Variants in SLC30A7 observed in about 807,000 individuals in gnomAD.
SLC30A7 encodes zinc transporter 7.
Under a neutral mutation model 46.0 loss-of-function variants are expected in SLC30A7, and 35 were observed. That is an observed-to-expected ratio of 0.76 (90% CI 0.58 to 1.01). SLC30A7 has a LOEUF of 1.01. SLC30A7 is among the 50% of genes least tolerant of loss of function. The pLI, the probability that SLC30A7 is intolerant of heterozygous loss-of-function variation, is 0.00. For missense variants in SLC30A7, 464 were observed against 451.1 expected, an observed-to-expected ratio of 1.03 and a Z score of -0.26; for synonymous variants, 147 against 157.8, an observed-to-expected ratio of 0.93 and a Z score of 0.51.
chr1:100,921,501 C>T, intron 7 of SLC30A7, among the ~76,000 whole-genome samples: 1 of 152,070 alleles, frequency 6.6e-6, no homozygotes, highest in East Asian at 1.9e-4. Context: ...ATATTTCAAC[C>T]CCTGTTGATT....
chr1:100,941,727 G>C, intron 8 of SLC30A7: 1 of 639,950 alleles, frequency 1.6e-6, no homozygotes, highest in South Asian at 1.4e-5. Context: ...CATCCACCTT[G>C]TGTAGCTTTG....
chr1:100,958,876 T>C (rs990051020), intron 8 of SLC30A7, among the ~76,000 whole-genome samples: 1 of 152,124 alleles, frequency 6.6e-6, no homozygotes, highest in African/African-American at 2.4e-5. Context: ...AGTAATAGTA[T>C]AGGTAGCACA....
At chr1:100,963,282 G>C (rs982473404) in intron 9 of SLC30A7, among the ~76,000 whole-genome samples, 8 of 152,190 alleles carry the variant, frequency 5.3e-5, no homozygotes, top group Non-Finnish European at 1.0e-4. Flanking sequence ...GCCAGGAAAG[G>C]TAGTGGTTAG....
the SLC30A7 span, among the ~76,000 whole-genome samples, chr1:100,989,294 C>T: frequency 2.0e-5 from 3 of 152,162 alleles, no homozygotes; most frequent in Non-Finnish European, 4.4e-5. Context: ...GCAAGTTTTC[C>T]ATTTGTCTGC....
intron 2 of SLC30A7, among the ~76,000 whole-genome samples, chr1:100,906,008 A>G (rs1482031432): frequency 6.6e-6 from 1 of 152,164 alleles, no homozygotes; most frequent in Non-Finnish European, 1.5e-5. Flanking sequence ...AGAAATGGGC[A>G]CACCTATTTT....
chr1:100,985,480 A>G (rs974173528), downstream of SLC30A7, among the ~76,000 whole-genome samples: 1 of 152,250 alleles, frequency 6.6e-6, no homozygotes, highest in Non-Finnish European at 1.5e-5. Flanking sequence ...CTTTGAAAAA[A>G]GAATGTTAAA....
intron 8 of SLC30A7, among the ~76,000 whole-genome samples, chr1:100,949,987 A>G (rs569543862): frequency 6.6e-6 from 1 of 152,092 alleles, no homozygotes; most frequent in Non-Finnish European, 1.5e-5. Context: ...GTGATGCCCC[A>G]CCCTGCTTCA....
chr1:100,909,174 A>G (rs1357741109), intron 3 of SLC30A7, among the ~76,000 whole-genome samples: 3 of 152,102 alleles, frequency 2.0e-5, no homozygotes, highest in Admixed American at 6.6e-5. Flanking sequence ...TACTGGTGTC[A>G]GTGAATCAAA....
At chr1:100,945,958 C>A (rs943025399) in intron 8 of SLC30A7, among the ~76,000 whole-genome samples, 6 of 152,260 alleles carry the variant, frequency 3.9e-5, no homozygotes, top group Admixed American at 3.9e-4. Flanking sequence ...CCTCTTATTT[C>A]ATTGAGCAGT....
intron 10 of SLC30A7, among the ~76,000 whole-genome samples, chr1:100,970,138 C>T (rs1318498942): frequency 6.6e-6 from 1 of 151,992 alleles, no homozygotes; most frequent in Admixed American, 6.6e-5. Flanking sequence ...ATACTGGTGG[C>T]CTTAGTTCCA....
chr1:100,931,773 A>G (rs1303705347), intron 8 of SLC30A7, among the ~76,000 whole-genome samples: 2 of 152,186 alleles, frequency 1.3e-5, no homozygotes, highest in Non-Finnish European at 2.9e-5. Context: ...GTGTTCTGAG[A>G]TACCATCTTC....
At position 100,979,638 on chromosome 1, in the gene SLC30A7, C is replaced by T. The variant is rs918895440; in HGVS notation, c.*4781C>T. ...GGCCTTCATGTTATTACATTTAATC[C>T]TCAAATTTCTACAAAGGAATAATTT... On this transcript the variant is annotated 3_prime_UTR_variant, in exon 11 of 11. Coordinates refer to ENST00000357650, the MANE Select transcript of SLC30A7 (RefSeq NM_133496.5). The T allele has an allele frequency of 6.6e-6, 1 of 151,980 alleles. No individual in the cohort carries two copies. Among genetic ancestry groups the T allele is most frequent in the Admixed American group, 6.6e-5 (1 of 15,248 alleles). 9.4% of individuals were successfully genotyped at this position (151,980 alleles called of 1,614,324 possible). A position where few individuals can be genotyped will look rare whatever the true frequency, so the allele number is the denominator to read the frequency against.
intron 8 of SLC30A7, among the ~76,000 whole-genome samples, chr1:100,946,573 G>A (rs2217270): frequency 6.6e-6 from 1 of 152,148 alleles, no homozygotes. Context: ...TTCAGTTTAT[G>A]TGATGGATTA....
intron 5 of SLC30A7, among the ~76,000 whole-genome samples, chr1:100,912,785 G>A (rs1249767054): frequency 6.6e-6 from 1 of 151,994 alleles, no homozygotes; most frequent in Admixed American, 6.6e-5. Context: ...GGTTGAGATG[G>A]GAGAGTCGCT....
At chr1:100,898,460 A>G (rs530639966) in intron 2 of SLC30A7, among the ~76,000 whole-genome samples, 149 of 152,260 alleles carry the variant, frequency 9.8e-4, no homozygotes, top group African/African-American at 3.5e-3. Flanking sequence ...AGTGCAGCTT[A>G]TATACTGTTT....
At chr1:100,956,391 A>T (rs1232475651) in intron 8 of SLC30A7, among the ~76,000 whole-genome samples, 1 of 152,166 alleles carries the variant, frequency 6.6e-6, no homozygotes, top group Non-Finnish European at 1.5e-5. Flanking sequence ...TTTTTTAAAA[A>T]GGTGGTGGCA....
rs1434914651 is a variant in SLC30A7 at position 100,977,702 on chromosome 1, C to T, written c.*2845C>T. ...GGGACAGTTTACCTTGCCTGGTAAACCTTCCCAAACAGAAATATAGCTATA... is the reference window on the plus strand; with the variant it reads ...GGGACAGTTTACCTTGCCTGGTAAATCTTCCCAAACAGAAATATAGCTATA... On this transcript the variant is annotated 3_prime_UTR_variant, in exon 11 of 11. Coordinates refer to ENST00000357650, the MANE Select transcript of SLC30A7 (RefSeq NM_133496.5). 6.6e-6 allele frequency: 1 copy of T among 152,102 alleles called. No homozygotes were observed. The allele number at this position is 152,102 out of a possible 1,614,324, so 9.4% of individuals were successfully genotyped here. A position where few individuals can be genotyped will look rare whatever the true frequency, so the allele number is the denominator to read the frequency against.
chr1:100,989,963 C>T, the SLC30A7 span: 1 of 161,296 alleles, frequency 6.2e-6, no homozygotes, highest in Non-Finnish European at 1.4e-5. Context: ...TTGTTTTATA[C>T]TTACTAGATA....
intron 8 of SLC30A7, among the ~76,000 whole-genome samples, chr1:100,928,297 C>T (rs1653439675): frequency 2.0e-5 from 3 of 152,050 alleles, no homozygotes; most frequent in Admixed American, 2.0e-4. Flanking sequence ...ACCACAAGCC[C>T]CAACAGTACT....
Sources: gnomAD v4.1 joint callset for allele counts (sites outside exome capture counted in the v4.1 genomes callset) on GRCh38, gnomAD v4.1.1 for gene constraint, MANE v1.5 for transcripts, NCBI Gene and HGNC (gene_info 2026-07-23, HGNC 2026-07-21) for gene names.